Variants in KDM4C observed in about 807,000 individuals in gnomAD.
KDM4C encodes the protein lysine demethylase 4C.
Under a neutral mutation model 129.3 loss-of-function variants are expected in KDM4C, and 81 were observed. The ratio of observed to expected loss-of-function variants is 0.63; its 90% CI spans 0.52 to 0.75. KDM4C has a LOEUF of 0.75. KDM4C is among the 30% of genes least tolerant of loss of function. The pLI, the probability that KDM4C is intolerant of heterozygous loss-of-function variation, is 0.00. For synonymous variants in KDM4C, 573 were observed against 456.1 expected (o/e 1.26, Z -3.26); for missense variants, 1,457 against 1,304.0 (o/e 1.12, Z -1.81).
At chr9:6,905,947 A>T (rs531576242) in intron 8 of KDM4C, among the ~76,000 whole-genome samples, 3 of 152,202 alleles carry the variant, frequency 2.0e-5, no homozygotes, top group African/African-American at 2.4e-5. Context: ...TTTGGAGTTC[A>T]GATCCATATT....
intron 8 of KDM4C, among the ~76,000 whole-genome samples, chr9:6,900,147 C>G (rs1314097514): frequency 6.6e-6 from 1 of 152,196 alleles, no homozygotes; most frequent in East Asian, 1.9e-4. Context: ...TAATTGCTTT[C>G]TGTCCTATAC....
chr9:6,799,410 C>G (rs186011897), intron 2 of KDM4C, among the ~76,000 whole-genome samples: 14 of 152,154 alleles, frequency 9.2e-5, no homozygotes, highest in Admixed American at 8.5e-4. Context: ...CAAAAAAATA[C>G]GAAAACCAGT....
chr9:6,946,861 CT>C (rs1214615142), intron 8 of KDM4C, among the ~76,000 whole-genome samples: 2 of 151,238 alleles, frequency 1.3e-5, no homozygotes, highest in Non-Finnish European at 3.0e-5. Context: ...TTCCTTTTTT[CT>C]TTTGTTTTTG....
chr9:6,805,412 C>G (rs1317999208), intron 2 of KDM4C, among the ~76,000 whole-genome samples, 187 bp from the exon 3 acceptor site: 1 of 150,830 alleles, frequency 6.6e-6, no homozygotes, highest in Non-Finnish European at 1.5e-5. Context: ...AGTGAGTACT[C>G]AATAAATTTT....
At chr9:6,760,964 A>G (rs1819368185) in intron 1 of KDM4C, among the ~76,000 whole-genome samples, 1 of 145,334 alleles carries the variant, frequency 6.9e-6, no homozygotes, top group Non-Finnish European at 1.5e-5. Context: ...GTGGGGCTTT[A>G]TTCTATGGTT....
At chr9:6,953,027 A>T (rs1828457690) in intron 8 of KDM4C, among the ~76,000 whole-genome samples, 1 of 152,222 alleles carries the variant, frequency 6.6e-6, no homozygotes, top group African/African-American at 2.4e-5. Context: ...AATGAATATG[A>T]TAAAATGTAA....
intron 3 of KDM4C, among the ~76,000 whole-genome samples, chr9:6,810,649 A>C (rs141705253): frequency 3.9e-5 from 6 of 152,196 alleles, no homozygotes; most frequent in African/African-American, 1.4e-4. Flanking sequence ...AGGTTGGAGA[A>C]TTGCTTGAGC....
intron 1 of KDM4C, among the ~76,000 whole-genome samples, chr9:6,742,064 C>T (rs1817718907): frequency 6.6e-6 from 1 of 151,904 alleles, no homozygotes; most frequent in African/African-American, 2.4e-5. Context: ...CCTCCACCTC[C>T]CGGGTTCAAG....
At chr9:7,060,312 G>A (rs1296027530) in intron 17 of KDM4C, among the ~76,000 whole-genome samples, 1 of 151,142 alleles carries the variant, frequency 6.6e-6, no homozygotes, top group Non-Finnish European at 1.5e-5. Flanking sequence ...ACATATTTGA[G>A]TTTATTGATT....
intron 16 of KDM4C, among the ~76,000 whole-genome samples, chr9:7,048,766 A>C (rs973404221): frequency 6.6e-6 from 1 of 152,132 alleles, no homozygotes; most frequent in South Asian, 2.1e-4. Flanking sequence ...AAGCACATAC[A>C]TGCATATTCC....
At chr9:7,136,618 T>A (rs780240243) in intron 19 of KDM4C, among the ~76,000 whole-genome samples, 42 of 152,258 alleles carry the variant, frequency 2.8e-4, no homozygotes, top group Admixed American at 1.1e-3. Flanking sequence ...TAGCCATTCA[T>A]CTGTCTTCTA....
At chr9:6,970,272 C>A (rs899117390) in intron 8 of KDM4C, among the ~76,000 whole-genome samples, 2 of 152,316 alleles carry the variant, frequency 1.3e-5, no homozygotes, top group Non-Finnish European at 2.9e-5. Flanking sequence ...TGTTAAGTTT[C>A]CCAAAACTTA....
chr9:6,754,201 G>C (rs925392240), upstream of KDM4C, among the ~76,000 whole-genome samples: 6 of 150,722 alleles, frequency 4.0e-5, no homozygotes, highest in African/African-American at 1.2e-4. Flanking sequence ...TATTTGTTTT[G>C]TTTTCTTTTC....
chr9:6,785,669 G>C (rs1184013195), intron 1 of KDM4C, among the ~76,000 whole-genome samples: 1 of 152,212 alleles, frequency 6.6e-6, no homozygotes, highest in Non-Finnish European at 1.5e-5. Context: ...CAGTCATAGT[G>C]GATCAGGGCC....
At chr9:6,775,558 TA>T (rs1179543072) in intron 1 of KDM4C, among the ~76,000 whole-genome samples, 1 of 151,898 alleles carries the variant, frequency 6.6e-6, no homozygotes, top group Non-Finnish European at 1.5e-5. Flanking sequence ...GTTTCGTTCT[TA>T]TTGCCCAGGC....
At chr9:7,042,387 G>C (rs1432315092) in intron 15 of KDM4C, among the ~76,000 whole-genome samples, 1 of 152,010 alleles carries the variant, frequency 6.6e-6, no homozygotes, top group Non-Finnish European at 1.5e-5. Flanking sequence ...ATCTTGGTTT[G>C]TTTTAAATGG....
intron 18 of KDM4C, among the ~76,000 whole-genome samples, chr9:7,117,579 G>A (rs1214281830): frequency 6.8e-6 from 1 of 146,792 alleles, no homozygotes; most frequent in African/African-American, 2.5e-5. Flanking sequence ...GAGTATTTTC[G>A]GTTCTTCACA....
In KDM4C at chr9:6,737,470, G is replaced by T. The variant is rs372510095; in HGVS notation, c.49+16473G>T. On this transcript the variant is annotated intron_variant, in intron 1 of 17. Transcript: ENST00000536108. ...GAGGTCAGGAATTTAAGACCAGCCT[G>T]TCTAACCTGGTGAAACCCCATCTCT... 8.9e-5 allele frequency among the ~76,000 whole-genome samples: 13 copies of T among 145,780 alleles called. No homozygotes were observed. In the South Asian group the frequency reaches 2.9e-3, roughly 33 times the overall value.
At chr9:6,849,328 C>T (rs1838407551) in intron 4 of KDM4C, among the ~76,000 whole-genome samples, 179 bp from the exon 5 acceptor site, 2 of 152,128 alleles carry the variant, frequency 1.3e-5, no homozygotes, top group Non-Finnish European at 2.9e-5. Flanking sequence ...TAATCTTTGA[C>T]CAATAATAAT....
Sources: gnomAD v4.1 joint callset for allele counts (sites outside exome capture counted in the v4.1 genomes callset) on GRCh38, gnomAD v4.1.1 for gene constraint, MANE v1.5 for transcripts, NCBI Gene and HGNC (gene_info 2026-07-23, HGNC 2026-07-21) for gene names.